Variants in ANKS1B observed in about 807,000 individuals in gnomAD.
ANKS1B encodes the protein ankyrin repeat and sterile alpha motif domain-containing protein 1B.
ANKS1B carries 36 observed loss-of-function variants against 148.3 expected under a neutral mutation model. That is an observed-to-expected ratio of 0.24 (90% CI 0.19 to 0.32). ANKS1B has a LOEUF of 0.32. Among genes scored for constraint, ANKS1B ranks in the 10% least tolerant of loss-of-function variants. The pLI, the probability that ANKS1B is intolerant of heterozygous loss-of-function variation, is 1.00. For synonymous variants in ANKS1B, 542 were observed against 560.8 expected, an observed-to-expected ratio of 0.97 and a Z score of 0.47; for missense variants, 1,157 against 1,542.6, an observed-to-expected ratio of 0.75 and a Z score of 4.19.
intron 14 of ANKS1B, among the ~76,000 whole-genome samples, chr12:99,179,327 G>A (rs1286775501): frequency 1.3e-5 from 2 of 151,294 alleles, no homozygotes; most frequent in African/African-American, 4.9e-5. Flanking sequence ...TACTTGGGAG[G>A]CTGAGGCAGG....
chr12:99,585,849 T>C (rs1467926103), intron 9 of ANKS1B, among the ~76,000 whole-genome samples: 1 of 152,162 alleles, frequency 6.6e-6, no homozygotes, highest in Non-Finnish European at 1.5e-5. Flanking sequence ...ACCAAGTCCC[T>C]AGGCTGCACA....
At chr12:99,067,090 G>A (rs1244021373) in intron 16 of ANKS1B, among the ~76,000 whole-genome samples, 1 of 152,186 alleles carries the variant, frequency 6.6e-6, no homozygotes, top group Non-Finnish European at 1.5e-5. Context: ...GTCTCCCATG[G>A]ACCATCCCTT....
At chr12:99,778,671 G>T (rs1051305415) in intron 6 of ANKS1B, among the ~76,000 whole-genome samples, 2 of 151,990 alleles carry the variant, frequency 1.3e-5, no homozygotes, top group African/African-American at 2.4e-5. Context: ...GCTATGATGG[G>T]ATTTTTCTCT....
chr12:99,274,710 T>G (rs1014836794), intron 12 of ANKS1B, among the ~76,000 whole-genome samples: 8 of 152,242 alleles, frequency 5.3e-5, no homozygotes, highest in Non-Finnish European at 8.8e-5. Flanking sequence ...TAATATGACA[T>G]GATAATAGCA....
At chr12:99,643,602 T>C (rs2098331335) in intron 9 of ANKS1B, among the ~76,000 whole-genome samples, 1 of 152,210 alleles carries the variant, frequency 6.6e-6, no homozygotes, top group African/African-American at 2.4e-5. Context: ...AACTCAGTAG[T>C]TTCATAAGCC....
At chr12:99,935,297 G>A (rs1487504155) in intron 1 of ANKS1B, among the ~76,000 whole-genome samples, 1 of 149,576 alleles carries the variant, frequency 6.7e-6, no homozygotes, top group Non-Finnish European at 1.5e-5. Context: ...GTTTAGAAAA[G>A]TGATAGTTTA....
In ANKS1B at chr12:99,430,102, C is replaced by T. The variant is rs534658426; in HGVS notation, c.1575+13571G>A. On this transcript the variant is annotated intron_variant, in intron 11 of 26. Transcript: ENST00000683438. ...AAAGATCTTTGCATTGTGTTTCCAA[C>T]TTCTCTGCAATTTTGTGATTGTTTC... Among the ~76,000 whole-genome samples the T allele has an allele frequency of 5.3e-5, 8 of 149,654 alleles. No individual in the cohort carries two copies. In the East Asian group the frequency reaches 7.8e-4, roughly 15 times the overall value.
At chr12:99,859,653 GT>G (rs141499597) in intron 1 of ANKS1B, among the ~76,000 whole-genome samples, 36 of 144,780 alleles carry the variant, frequency 2.5e-4, no homozygotes, top group South Asian at 1.3e-3. Flanking sequence ...TTTTGTTTTT[GT>G]TTTTTTTTTT....
chr12:99,200,393 A>G (rs2081933531), intron 14 of ANKS1B, among the ~76,000 whole-genome samples: 1 of 152,204 alleles, frequency 6.6e-6, no homozygotes, highest in South Asian at 2.1e-4. Context: ...TTCCATTTAG[A>G]TAGAATGGCT....
In ANKS1B at chr12:99,962,119, C is replaced by T. The variant is rs759998267; in HGVS notation, c.134+21985G>A. On this transcript the variant is annotated intron_variant, in intron 1 of 26. Transcript: ENST00000683438. ...TAAGTTCCAGGATATGTGTGCAGAA[C>T]GTGCAGGTTTGTTACATAGGTATAC... Among the ~76,000 whole-genome samples, 5 of 151,868 alleles carry T rather than the reference C, an allele frequency of 3.3e-5. No individual in the cohort carries two copies. In the East Asian group the frequency reaches 9.7e-4, roughly 29 times the overall value.
chr12:99,231,349 A>G (rs896043043), intron 14 of ANKS1B, among the ~76,000 whole-genome samples: 14 of 152,254 alleles, frequency 9.2e-5, no homozygotes, highest in Non-Finnish European at 1.6e-4. Context: ...TAACAGAAAG[A>G]AGAAATGGAC....
intron 8 of ANKS1B, among the ~76,000 whole-genome samples, chr12:99,712,183 T>A (rs2056733613): frequency 6.6e-6 from 1 of 152,112 alleles, no homozygotes; most frequent in Non-Finnish European, 1.5e-5. Flanking sequence ...AACATATTAT[T>A]TTTATCTTTA....
chr12:99,519,207 G>A (rs905079953), intron 9 of ANKS1B, among the ~76,000 whole-genome samples: 1 of 152,110 alleles, frequency 6.6e-6, no homozygotes, highest in Non-Finnish European at 1.5e-5. Context: ...GTCACTGAGT[G>A]AGATGTTTTG....
At chr12:99,186,093 G>A (rs1445344513) in intron 14 of ANKS1B, among the ~76,000 whole-genome samples, 1 of 152,128 alleles carries the variant, frequency 6.6e-6, no homozygotes, top group Non-Finnish European at 1.5e-5. Flanking sequence ...TGAATAGGCG[G>A]TTTTCCCCTC....
chr12:99,387,874 T>TTTTTTTTTTTTTTTTTTTTTTTGAGACGG (rs1310198385), intron 12 of ANKS1B, among the ~76,000 whole-genome samples: 4 of 151,760 alleles, frequency 2.6e-5, no homozygotes, highest in Non-Finnish European at 4.4e-5. Context: ...AATTGTAATT[T>TTTTTTTTTTTTTTTTTTTTTTTGAGACGG]ACCAAGTAGA....
chr12:99,668,283 C>T (rs1287087778), intron 8 of ANKS1B, among the ~76,000 whole-genome samples: 2 of 151,824 alleles, frequency 1.3e-5, no homozygotes, highest in African/African-American at 4.8e-5. Flanking sequence ...TCATATTGTT[C>T]CTTTATTATT....
Position 99,940,143 on chromosome 12 carries a change from C to A in ANKS1B, c.134+43961G>T, listed in dbSNP as rs185040054. On this transcript the variant is annotated intron_variant, in intron 1 of 26. Coordinates refer to ENST00000683438, the MANE Select transcript of ANKS1B (RefSeq NM_001352186.2). ...AATAATTGGAAAGAATACACATTTA[C>A]TCTAAGTAAAGCTTGATTATACGCC... is the stretch of plus-strand genomic sequence containing the variant. 2.7e-3 allele frequency among the ~76,000 whole-genome samples: 411 copies of A among 152,224 alleles called. 1 individual carries two copies. Among genetic ancestry groups the A allele is most frequent in the Non-Finnish European group, 4.4e-3 (298 of 68,014 alleles).
chr12:98,904,340 G>A (rs1253171423), intron 17 of ANKS1B, among the ~76,000 whole-genome samples: 1 of 152,120 alleles, frequency 6.6e-6, no homozygotes, highest in Non-Finnish European at 1.5e-5. Flanking sequence ...CAACCTGGAT[G>A]GGAAAGATGA....
intron 5 of ANKS1B, among the ~76,000 whole-genome samples, chr12:99,781,094 T>A (rs2064270742): frequency 6.8e-6 from 1 of 147,822 alleles, no homozygotes; most frequent in Non-Finnish European, 1.5e-5. Context: ...GTTTACAGGA[T>A]CTGGTCCCAA....
Sources: allele counts gnomAD v4.1 joint callset (sites outside exome capture counted in the v4.1 genomes callset), GRCh38; gene constraint gnomAD v4.1.1; transcripts MANE v1.5; gene names NCBI Gene and HGNC (gene_info 2026-07-23, HGNC 2026-07-21).